Variants in CEP63 observed in about 807,000 individuals in gnomAD.
The protein encoded by CEP63 is centrosomal protein 63.
CEP63 carries 84 observed loss-of-function variants against 89.1 expected under a neutral mutation model. That is an observed-to-expected ratio of 0.94 (90% CI 0.79 to 1.13). The LOEUF is 1.13. CEP63 is among the 50% of genes most tolerant of loss of function. The pLI is 0.00. For synonymous variants in CEP63, 267 were observed against 272.5 expected, an observed-to-expected ratio of 0.98 and a Z score of 0.20; for missense variants, 838 against 813.3, an observed-to-expected ratio of 1.03 and a Z score of -0.37.
the CEP63 span, among the ~76,000 whole-genome samples, chr3:134,689,441 A>G: frequency 6.4e-3 from 836 of 131,580 alleles, 9 homozygotes; most frequent in African/African-American, 0.022. Context: ...AAAGGACCTT[A>G]TTTATTATTA....
the CEP63 span, among the ~76,000 whole-genome samples, chr3:134,756,643 T>A: frequency 6.6e-6 from 1 of 152,190 alleles, no homozygotes; most frequent in Non-Finnish European, 1.5e-5. Context: ...CGTGAGCCAC[T>A]GCTCCCAGCC....
chr3:134,636,018 G>A, the CEP63 span, among the ~76,000 whole-genome samples: 4 of 152,128 alleles, frequency 2.6e-5, no homozygotes, highest in African/African-American at 9.7e-5. Context: ...ATCCATATAA[G>A]CAATCCCTTT....
chr3:134,761,419 C>T, the CEP63 span, among the ~76,000 whole-genome samples: 5 of 152,212 alleles, frequency 3.3e-5, no homozygotes, highest in Admixed American at 1.3e-4. Flanking sequence ...CGTGGAGCCC[C>T]GGACACCGCC....
chr3:134,763,117 A>T, the CEP63 span, among the ~76,000 whole-genome samples: 3 of 151,924 alleles, frequency 2.0e-5, no homozygotes, highest in African/African-American at 7.3e-5. Flanking sequence ...TTTAGGGTAC[A>T]TATACATAAC....
At chr3:134,585,138 G>A (rs899092932) in intron 10 of CEP63, among the ~76,000 whole-genome samples, 46 of 151,828 alleles carry the variant, frequency 3.0e-4, no homozygotes, top group African/African-American at 1.1e-3. Flanking sequence ...CAAAAAACCA[G>A]CTCCTGGATT....
At chr3:134,680,062 GAC>G in the CEP63 span, among the ~76,000 whole-genome samples, 11 of 151,714 alleles carry the variant, frequency 7.3e-5, no homozygotes, top group African/African-American at 2.4e-4. Flanking sequence ...TTAAGACACA[GAC>G]ACACACACAC....
chr3:134,592,182 A>G (rs1193727119), downstream of CEP63, among the ~76,000 whole-genome samples: 2 of 152,182 alleles, frequency 1.3e-5, no homozygotes, highest in African/African-American at 4.8e-5. Flanking sequence ...TCAGTTCCTC[A>G]AAATGTGGGC....
the CEP63 span, among the ~76,000 whole-genome samples, chr3:134,684,075 A>C: frequency 1.3e-5 from 2 of 152,172 alleles, no homozygotes; most frequent in African/African-American, 4.8e-5. Context: ...TGTGTACTAC[A>C]AGGTTTCATG....
At chr3:134,755,231 CTGAG>C in the CEP63 span, among the ~76,000 whole-genome samples, 2 of 2,816 alleles carry the variant, frequency 7.1e-4, no homozygotes, top group African/African-American at 7.4e-4. Flanking sequence ...GCCCTGAACC[CTGAG>C]CCCTGAGCCC....
the CEP63 span, among the ~76,000 whole-genome samples, chr3:134,620,222 C>T: frequency 6.6e-6 from 1 of 152,146 alleles, no homozygotes; most frequent in East Asian, 1.9e-4. Context: ...CTGCATAGGC[C>T]CAGGTCCCTC....
upstream of CEP63, chr3:134,485,946 C>A: frequency 1.0e-6 from 1 of 981,608 alleles, no homozygotes; most frequent in Non-Finnish European, 1.2e-6. Flanking sequence ...CGCTGGAAAC[C>A]CTTACCGGCA....
chr3:134,729,611 A>G, the CEP63 span, among the ~76,000 whole-genome samples: 1 of 152,140 alleles, frequency 6.6e-6, no homozygotes, highest in African/African-American at 2.4e-5. Context: ...TTTTCCCCCC[A>G]TTAGTTTGAA....
chr3:134,519,994 A>G (rs897422165), intron 3 of CEP63, among the ~76,000 whole-genome samples: 1 of 152,222 alleles, frequency 6.6e-6, no homozygotes, highest in Non-Finnish European at 1.5e-5. Flanking sequence ...ACCCATTGTT[A>G]GAAGCTTTCC....
At position 134,500,584 on chromosome 3, in the gene CEP63, C is replaced by T. The variant is rs370932790; in HGVS notation, c.44+5220C>T. ...ACCAACGGTGTTGCCTTTTCTCCAC[C>T]GCCTCACCAACATCTGTTATTTTTT... On this transcript the variant is annotated intron_variant, in intron 2 of 14. Transcript: ENST00000675561. Among the ~76,000 whole-genome samples, 78 of 152,214 alleles carry T rather than the reference C, an allele frequency of 5.1e-4. 1 individual carries two copies. The highest frequency in any genetic ancestry group is 1.6e-3 in the African/African-American group (67 of 41,514).
At chr3:134,545,182 TAG>T in intron 6 of CEP63, among the ~76,000 whole-genome samples, 1 of 152,116 alleles carries the variant, frequency 6.6e-6, no homozygotes, top group East Asian at 1.9e-4. Flanking sequence ...GTATTTTTAG[TAG>T]AGACGGGTTT....
downstream of CEP63, among the ~76,000 whole-genome samples, chr3:134,565,603 TAACA>T (rs1957722240): frequency 1.3e-5 from 2 of 151,844 alleles, no homozygotes; most frequent in South Asian, 4.2e-4. Context: ...CATCAAAAAG[TAACA>T]AACAGAATCG....
the CEP63 span, among the ~76,000 whole-genome samples, chr3:134,754,961 C>T: frequency 6.6e-6 from 1 of 152,022 alleles, no homozygotes; most frequent in Non-Finnish European, 1.5e-5. Context: ...CTCAGCTGCA[C>T]CCTGGGCTCC....
At chr3:134,554,583 C>A (rs1159752907) in intron 12 of CEP63, among the ~76,000 whole-genome samples, 1 of 149,634 alleles carries the variant, frequency 6.7e-6, no homozygotes, top group Non-Finnish European at 1.5e-5. Context: ...ATTTATAGTC[C>A]TTTGGGTATA....
At chr3:134,634,600 C>T in the CEP63 span, among the ~76,000 whole-genome samples, 8 of 152,174 alleles carry the variant, frequency 5.3e-5, no homozygotes, top group Admixed American at 1.3e-4. Context: ...CAAGTTAAAA[C>T]CAAAATGAGA....
Sources: allele counts gnomAD v4.1 joint callset (sites outside exome capture counted in the v4.1 genomes callset), GRCh38; gene constraint gnomAD v4.1.1; transcripts MANE v1.5; gene names NCBI Gene and HGNC (gene_info 2026-07-23, HGNC 2026-07-21).